STON2: variants seen among roughly 807,000 people sequenced by gnomAD.
STON2 encodes the protein stonin 2.
A neutral mutation model predicts 65.7 loss-of-function variants in STON2; 29 were observed. That is an observed-to-expected ratio of 0.44 (90% CI 0.33 to 0.60). The LOEUF (loss-of-function observed/expected upper bound fraction) is 0.60, where lower values mean the gene tolerates loss of function less well. Among genes scored for constraint, STON2 ranks in the 20% least tolerant of loss-of-function variants. STON2 has a pLI of 0.03. For missense variants in STON2, 1,054 were observed against 1,118.1 expected, an observed-to-expected ratio of 0.94 and a Z score of 0.82; for synonymous variants, 404 against 414.2, an observed-to-expected ratio of 0.98 and a Z score of 0.30.
At chr14:81,294,767 T>C (rs1895694716) in intron 5 of STON2, among the ~76,000 whole-genome samples, 1 of 152,166 alleles carries the variant, frequency 6.6e-6, no homozygotes, top group South Asian at 2.1e-4. Flanking sequence ...CTCACTGAGG[T>C]CTAAGGCAAG....
At chr14:81,293,753 G>C (rs1895654419) in intron 5 of STON2, among the ~76,000 whole-genome samples, 1 of 152,124 alleles carries the variant, frequency 6.6e-6, no homozygotes, top group African/African-American at 2.4e-5. Flanking sequence ...TGACCATAGG[G>C]AGAATCAAGA....
intron 4 of STON2, among the ~76,000 whole-genome samples, chr14:81,366,769 T>C (rs568638474): frequency 6.6e-6 from 1 of 151,582 alleles, no homozygotes; most frequent in South Asian, 2.1e-4. Flanking sequence ...AACAGAGGAG[T>C]CGACAGTAAT....
Position 81,263,095 on chromosome 14 carries a change from A to T in STON2, c.*5319T>A. The stretch of plus-strand genomic sequence containing the variant: ...TGAGACAGTGCATTTACCAAATGAT[A>T]TTTTTTTGTGGATTTAATTTTTTGT... On this transcript the variant is annotated 3_prime_UTR_variant, in exon 8 of 8. Transcript: ENST00000614646. The T allele has an allele frequency of 4.1e-6, 4 of 985,194 alleles. No homozygotes were observed. The highest frequency in any genetic ancestry group is 4.7e-5 in the South Asian group (1 of 21,282). The allele number at this position is 985,194 out of a possible 1,614,324, so 61.0% of individuals were successfully genotyped here. A position where few individuals can be genotyped will look rare whatever the true frequency, so the allele number is the denominator to read the frequency against.
At position 81,262,897 on chromosome 14, in the gene STON2, G is replaced by A. The variant is rs989411152; in HGVS notation, c.*5517C>T. The A allele has an allele frequency of 2.8e-5, 28 of 985,248 alleles. No homozygotes were observed. Among genetic ancestry groups the A allele is most frequent in the Non-Finnish European group, 3.3e-5 (27 of 829,922 alleles). The allele number at this position is 985,248 out of a possible 1,614,324, so 61.0% of individuals were successfully genotyped here. On this transcript the variant is annotated 3_prime_UTR_variant, in exon 8 of 8. Transcript: ENST00000614646. The stretch of plus-strand genomic sequence containing the variant: ...TTTAATTCCTTAAACACATAAATAT[G>A]AGTCATGATATCTAAAGCCAGTCTC...
At chr14:81,348,876 C>CA (rs1897917018) in intron 4 of STON2, among the ~76,000 whole-genome samples, 1 of 117,628 alleles carries the variant, frequency 8.5e-6, no homozygotes, top group Non-Finnish European at 2.0e-5. Context: ...GACTAAACAG[C>CA]ATGGTAATGG....
intron 5 of STON2, among the ~76,000 whole-genome samples, chr14:81,285,027 C>T (rs1432816863): frequency 1.3e-5 from 2 of 152,186 alleles, no homozygotes; most frequent in Non-Finnish European, 1.5e-5. Context: ...TATTACTACG[C>T]ACTGACAATG....
At chr14:81,276,489 G>C (rs1204708159) in intron 6 of STON2, among the ~76,000 whole-genome samples, 1 of 152,130 alleles carries the variant, frequency 6.6e-6, no homozygotes, top group Non-Finnish European at 1.5e-5. Flanking sequence ...TCCATGATTG[G>C]CCATAAACTG....
At chr14:81,331,363 C>T (rs938965640) in intron 4 of STON2, among the ~76,000 whole-genome samples, 2 of 152,198 alleles carry the variant, frequency 1.3e-5, no homozygotes, top group Non-Finnish European at 2.9e-5. Flanking sequence ...AATTATTCCA[C>T]TCAGAGGTTC....
intron 2 of STON2, among the ~76,000 whole-genome samples, chr14:81,407,481 G>A (rs987767157): frequency 6.6e-6 from 1 of 152,160 alleles, no homozygotes; most frequent in South Asian, 2.1e-4. Flanking sequence ...TCCAAAAGAG[G>A]TTGTTAAATC....
chr14:81,304,985 C>T (rs546146290), intron 5 of STON2, among the ~76,000 whole-genome samples: 1 of 152,262 alleles, frequency 6.6e-6, no homozygotes, highest in African/African-American at 2.4e-5. Flanking sequence ...CCTCTTCCCC[C>T]AGGGTAACAA....
Position 81,383,590 on chromosome 14 carries a change from A to G in STON2, c.373+12304T>C, listed in dbSNP as rs1899640740. ...CAGTTGCTCCATCACAATTTTTGCT[A>G]GTCCTACCTTCAAAATACATCTGGA... On this transcript the variant is annotated intron_variant, in intron 3 of 7. Coordinates refer to ENST00000614646, the MANE Select transcript of STON2 (RefSeq NM_001394390.1). Among the ~76,000 whole-genome samples the G allele has an allele frequency of 2.0e-5, 3 of 152,218 alleles. No homozygotes were observed. The South Asian group carries it at 6.2e-4, about 32-fold the overall frequency.
intron 3 of STON2, among the ~76,000 whole-genome samples, chr14:81,389,445 G>C (rs1899974789): frequency 6.6e-6 from 1 of 152,222 alleles, no homozygotes; most frequent in Non-Finnish European, 1.5e-5. Context: ...CATGAGTGAA[G>C]CTATAGCCCA....
intron 6 of STON2, 75 bp from the exon 7 acceptor site, chr14:81,270,947 G>A (rs904736541): frequency 2.2e-5 from 34 of 1,532,764 alleles, no homozygotes; most frequent in Admixed American, 3.9e-5. Context: ...GAGCCACTTT[G>A]GTAATAAAGG....
intron 4 of STON2, among the ~76,000 whole-genome samples, chr14:81,345,175 C>T (rs1404915202): frequency 2.6e-5 from 4 of 152,174 alleles, no homozygotes; most frequent in African/African-American, 7.2e-5. Flanking sequence ...TGGGAGGAAA[C>T]TTCTGAATTG....
At chr14:81,327,501 A>G (rs1395594360) in intron 4 of STON2, among the ~76,000 whole-genome samples, 19 of 152,180 alleles carry the variant, frequency 1.2e-4, no homozygotes, top group Admixed American at 1.2e-3. Flanking sequence ...GCTAGTTAAA[A>G]GGCAGTCTTA....
At chr14:81,275,480 T>G (rs13379359) in intron 6 of STON2, among the ~76,000 whole-genome samples, 6 of 152,068 alleles carry the variant, frequency 3.9e-5, no homozygotes, top group African/African-American at 1.4e-4. Context: ...AGGGCTTCCG[T>G]GTCAAAGGAG....
At chr14:81,407,667 C>A (rs1420277823) in intron 2 of STON2, among the ~76,000 whole-genome samples, 1 of 152,184 alleles carries the variant, frequency 6.6e-6, no homozygotes, top group African/African-American at 2.4e-5. Flanking sequence ...TCCAAACCCA[C>A]AAGTAAGGCC....
intron 5 of STON2, among the ~76,000 whole-genome samples, chr14:81,316,245 C>T (rs780516769): frequency 6.6e-6 from 1 of 152,176 alleles, no homozygotes; most frequent in Non-Finnish European, 1.5e-5. Flanking sequence ...GCAGCACAGT[C>T]ACAAAGACTT....
At chr14:81,406,536 A>G (rs1347678553) in intron 2 of STON2, among the ~76,000 whole-genome samples, 1 of 152,186 alleles carries the variant, frequency 6.6e-6, no homozygotes, top group African/African-American at 2.4e-5. Context: ...GCTCACAGGG[A>G]CTGAAATAAT....
Sources: allele counts gnomAD v4.1 joint callset (sites outside exome capture counted in the v4.1 genomes callset), GRCh38; gene constraint gnomAD v4.1.1; transcripts MANE v1.5; gene names NCBI Gene and HGNC (gene_info 2026-07-23, HGNC 2026-07-21).